DNAH14: variants seen among roughly 807,000 people sequenced by gnomAD.
DNAH14 encodes dynein axonemal heavy chain 14, also known as axonemal beta dynein heavy chain 14.
In DNAH14, 478 loss-of-function variants were observed where a neutral mutation model predicts 520.9. The observed-to-expected ratio is 0.92, with a 90% confidence interval of 0.85 to 0.99. The LOEUF (loss-of-function observed/expected upper bound fraction) is 0.99, where lower values mean the gene tolerates loss of function less well. DNAH14 is among the 50% of genes least tolerant of loss of function. The pLI is 0.00. For missense variants in DNAH14, 4,831 were observed against 5,234.5 expected (o/e 0.92, Z 2.38); for synonymous variants, 1,581 against 1,757.2 (o/e 0.90, Z 2.51).
At chr1:225,037,419 T>A (rs2067068215) in intron 11 of DNAH14, among the ~76,000 whole-genome samples, 1 of 152,156 alleles carries the variant, frequency 6.6e-6, no homozygotes, top group Admixed American at 6.5e-5. Context: ...TTACTATGAG[T>A]CTTGTAAATA....
chr1:225,352,002 C>A lies in DNAH14; in HGVS notation c.11533+119C>A, dbSNP rs541404119. ...GAAAAAATTGAAGGGAGGACTATAA[C>A]TACATTTTCAGCATGCACATGTTAT... On this transcript the variant is annotated intron_variant, in intron 72 of 85. Coordinates refer to ENST00000682510, the MANE Select transcript of DNAH14 (RefSeq NM_001367479.1). 2.3e-5 allele frequency: 17 copies of A among 752,218 alleles called. No individual in the cohort carries two copies. The Admixed American group carries it at 3.9e-4, about 17-fold the overall frequency. The allele number at this position is 752,218 out of a possible 1,614,324, so 46.6% of individuals were successfully genotyped here.
rs1022019971 is a variant in DNAH14 at position 225,272,665 on chromosome 1, A to G, written c.7840-290A>G. Among the ~76,000 whole-genome samples, 5 of 152,162 alleles carry G rather than the reference A, an allele frequency of 3.3e-5. No individual in the cohort carries two copies. The East Asian group carries it at 9.6e-4, about 29-fold the overall frequency. Reference sequence around the variant, plus strand: ...GTATCACGTGCAACACCCTGCCTCCATGTTAGCACTGTAGTCGAGACTCCC... The same window carrying G: ...GTATCACGTGCAACACCCTGCCTCCGTGTTAGCACTGTAGTCGAGACTCCC... On this transcript the variant is annotated intron_variant, in intron 51 of 85. Transcript: ENST00000682510.
rs555571382 is a variant in DNAH14 at position 225,112,501 on chromosome 1, G to A, written c.3868-5183G>A. Among the ~76,000 whole-genome samples the A allele has an allele frequency of 7.2e-5, 11 of 152,152 alleles. No homozygotes were observed. In the East Asian group the frequency reaches 1.9e-3, roughly 27 times the overall value. ...TATAACCTTCTTGTACTTCAATACT[G>A]ATATCTTTCTCTAGGTTTGAGAAGT... is the stretch of plus-strand genomic sequence containing the variant. On this transcript the variant is annotated intron_variant, in intron 23 of 85. Transcript: ENST00000682510.
chr1:225,256,442 TAAATA>T (rs747985787), intron 44 of DNAH14, among the ~76,000 whole-genome samples: 8 of 151,722 alleles, frequency 5.3e-5, no homozygotes, highest in Admixed American at 1.3e-4. Context: ...AGAAAATAAA[TAAATA>T]AAATAAAATA....
At chr1:225,024,258 G>A (rs2065927962) in intron 11 of DNAH14, 1 of 985,404 alleles carries the variant, frequency 1.0e-6, no homozygotes, top group South Asian at 4.7e-5. Context: ...TTAAAGATAT[G>A]TGAGAATTCT....
intron 28 of DNAH14, 97 bp from the exon 29 acceptor site, chr1:225,144,300 C>T: frequency 2.1e-6 from 2 of 931,754 alleles, no homozygotes; most frequent in Admixed American, 2.7e-5. Flanking sequence ...TTTTTTTAAT[C>T]AATGCTCCAT....
intron 1 of DNAH14, among the ~76,000 whole-genome samples, chr1:224,930,097 T>A (rs1432083714): frequency 6.6e-6 from 1 of 152,202 alleles, no homozygotes; most frequent in Non-Finnish European, 1.5e-5. Flanking sequence ...TCTTAGTTGC[T>A]CTCCCTCAGG....
intron 41 of DNAH14, among the ~76,000 whole-genome samples, chr1:225,228,920 G>T (rs2149553470): frequency 6.6e-6 from 1 of 152,222 alleles, no homozygotes; most frequent in East Asian, 1.9e-4. Context: ...CTTACCCAGG[G>T]GCAAAGGGCG....
intron 15 of DNAH14, among the ~76,000 whole-genome samples, chr1:225,046,110 TG>T (rs1354084282): frequency 3.3e-5 from 5 of 151,384 alleles, no homozygotes; most frequent in African/African-American, 1.2e-4. Context: ...TATGATAATA[TG>T]TATATATGTA....
At chr1:225,092,127 A>G (rs2074454314) in intron 21 of DNAH14, among the ~76,000 whole-genome samples, 1 of 152,142 alleles carries the variant, frequency 6.6e-6, no homozygotes, top group African/African-American at 2.4e-5. Context: ...TAATAGTGAG[A>G]GAATTCAATG....
intron 59 of DNAH14, 138 bp downstream of exon 59, chr1:225,307,707 A>T (rs138730844): frequency 1.0e-5 from 6 of 574,034 alleles, no homozygotes; most frequent in African/African-American, 7.8e-5. Flanking sequence ...CACATGAAAA[A>T]AATAGCTTGT....
intron 2 of DNAH14, among the ~76,000 whole-genome samples, chr1:224,953,632 C>T (rs973531790): frequency 3.3e-5 from 5 of 152,146 alleles, no homozygotes; most frequent in Middle Eastern, 6.8e-3. Flanking sequence ...CAAGAACAGA[C>T]AATTATATTC....
intron 53 of DNAH14, among the ~76,000 whole-genome samples, chr1:225,277,017 G>GGGAA (rs2093494790): frequency 9.9e-6 from 1 of 100,548 alleles, no homozygotes; most frequent in African/African-American, 4.0e-5. Flanking sequence ...GAGGGAGGGA[G>GGGAA]GGAGGGAGGG....
Position 225,340,485 on chromosome 1 carries a change from C to T in DNAH14, c.10462C>T (p.Pro3488Ser), listed in dbSNP as rs1049296772. 52 of 1,550,548 alleles carry T rather than the reference C, an allele frequency of 3.4e-5. No homozygotes were observed. The Admixed American group carries it at 4.3e-4, about 13-fold the overall frequency. Reference sequence around the variant, plus strand: ...ATACTTATCTACAGAAATAGACAACCCCCATTTTCTTCCATCAGTTTATAA... The same window carrying T: ...ATACTTATCTACAGAAATAGACAACTCCCATTTTCTTCCATCAGTTTATAA... ...RLYLSTEIDN[P>S]HFLPSVYNFV... Residue 3488 changes from proline (P) to serine (S), a missense_variant, in exon 69 of 86, where the codon CCC (proline) becomes TCC (serine). Transcript: ENST00000682510.
chr1:225,141,049 A>G (rs1161672236), intron 28 of DNAH14, 28 bp downstream of exon 28: 3 of 1,489,306 alleles, frequency 2.0e-6, no homozygotes, highest in Admixed American at 2.2e-5. Flanking sequence ...ATAACTACAT[A>G]CAATAACTTC....
At chr1:225,258,210 A>G (rs1276028264) in intron 45 of DNAH14, 92 bp downstream of exon 45, 1 of 1,169,052 alleles carries the variant, frequency 8.6e-7, no homozygotes, top group Non-Finnish European at 1.1e-6. Flanking sequence ...AAGTGGGAAA[A>G]AAATATACAC....
Position 225,308,329 on chromosome 1 carries a change from A to C in DNAH14, c.9159A>C (p.Val3053=). 6.5e-7 allele frequency: 1 copy of C among 1,543,252 alleles called. No individual in the cohort carries two copies. The highest frequency in any genetic ancestry group is 8.7e-7 in the Non-Finnish European group (1 of 1,144,706). ...LMEKLRKDSQ[V]VEKVQMLVKQ... is the part of the protein sequence containing the mutation. ...AAAAACTACGGAAAGATTCACAAGT[A>C]GTTGAGAAAGTTCAGATGCTTGTTA... Residue 3053 remains valine, a synonymous_variant, in exon 60 of 86, where the codon GTA becomes GTC. Coordinates refer to ENST00000682510, the MANE Select transcript of DNAH14 (RefSeq NM_001367479.1).
At chr1:225,205,355 TG>T (rs1168219350) in intron 39 of DNAH14, among the ~76,000 whole-genome samples, 1 of 152,130 alleles carries the variant, frequency 6.6e-6, no homozygotes, top group Non-Finnish European at 1.5e-5. Flanking sequence ...ACAAAGAATG[TG>T]CCCATCTGTC....
chr1:225,239,089 G>C (rs2091804535), intron 42 of DNAH14, among the ~76,000 whole-genome samples: 1 of 152,210 alleles, frequency 6.6e-6, no homozygotes, highest in Non-Finnish European at 1.5e-5. Flanking sequence ...TTCCAAGTCA[G>C]TGGGTCTTAA....
Sources: allele counts gnomAD v4.1 joint callset (sites outside exome capture counted in the v4.1 genomes callset), GRCh38; gene constraint gnomAD v4.1.1; transcripts MANE v1.5; gene names NCBI Gene and HGNC (gene_info 2026-07-23, HGNC 2026-07-21).